The following DYSF variants were observed in gnomAD, a reference collection of about 807,000 sequenced individuals.
DYSF encodes the protein dysferlin, also known as dystrophy-associated fer-1-like 1.
In DYSF, 212 loss-of-function variants were observed where a neutral mutation model predicts 274.9. The observed-to-expected ratio is 0.77, with a 90% CI of 0.69 to 0.86. DYSF has a LOEUF of 0.86. DYSF is among the 40% of genes least tolerant of loss of function. The probability of loss-of-function intolerance (pLI) is 0.00; values close to 1 mark genes in which losing one functional copy is unlikely to be tolerated. For missense variants in DYSF, 2,666 were observed against 2,783.2 expected (o/e 0.96, Z 0.95); for synonymous variants, 1,091 against 1,078.7 (o/e 1.01, Z -0.22).
chr2:71,631,055 G>C (rs191848726), intron 41 of DYSF, among the ~76,000 whole-genome samples: 1 of 152,142 alleles, frequency 6.6e-6, no homozygotes, highest in East Asian at 1.9e-4. Context: ...TTCCAGGTTG[G>C]GGGGATGTGG....
At chr2:71,568,628 G>A (rs142633589) in intron 26 of DYSF, among the ~76,000 whole-genome samples, 76 of 150,848 alleles carry the variant, frequency 5.0e-4, no homozygotes, top group African/African-American at 1.6e-3. Flanking sequence ...TAGCATGATC[G>A]CAGCTCATTG....
intron 32 of DYSF, 109 bp downstream of exon 32, chr2:71,590,397 G>T: frequency 8.3e-7 from 1 of 1,198,502 alleles, no homozygotes. Flanking sequence ...GCATGGAGAT[G>T]GGTGCTGTCA....
At chr2:71,603,900 G>A (rs1252936462) in intron 36 of DYSF, among the ~76,000 whole-genome samples, 1 of 152,222 alleles carries the variant, frequency 6.6e-6, no homozygotes, top group Non-Finnish European at 1.5e-5. Flanking sequence ...ATATGTAACA[G>A]TGAAGGCTCA....
At chr2:71,670,429 G>A (rs192703222) in intron 51 of DYSF, among the ~76,000 whole-genome samples, 196 of 152,342 alleles carry the variant, frequency 1.3e-3, no homozygotes, top group Non-Finnish European at 2.0e-3. Flanking sequence ...ACAGGATTGG[G>A]AGTTGCTTGG....
At chr2:71,509,101 C>T (rs1292959242) in intron 4 of DYSF, among the ~76,000 whole-genome samples, 1 of 152,066 alleles carries the variant, frequency 6.6e-6, no homozygotes, top group African/African-American at 2.4e-5. Flanking sequence ...GGTGATTCAC[C>T]CACCTCGGCC....
At position 71,658,790 on chromosome 2, in the gene DYSF, C is replaced by A; in HGVS notation, c.4756-88C>A. 5 of 1,532,920 alleles carry A rather than the reference C, an allele frequency of 3.3e-6. No homozygotes were observed. The South Asian group carries it at 5.7e-5, about 17-fold the overall frequency. The allele number at this position is 1,532,920 out of a possible 1,614,324, so 95.0% of individuals were successfully genotyped here. A position where few individuals can be genotyped will look rare whatever the true frequency, so the allele number is the denominator to read the frequency against. ...CAACATGTGGGAATTCTGGGAGATA[C>A]AATTCAAGTTGAGATTTGGGTGGGG... On this transcript the variant is annotated intron_variant, in intron 43 of 55. Transcript: ENST00000410020.
At chr2:71,552,955 C>T (rs1339871754) in intron 19 of DYSF, 56 bp from the exon 20 acceptor site, 1 of 1,595,100 alleles carries the variant, frequency 6.3e-7, no homozygotes, top group Non-Finnish European at 8.6e-7. Flanking sequence ...CCCTCCCCAG[C>T]CTGGGTGCCT....
chr2:71,607,555 G>A (rs1410135009), intron 36 of DYSF, among the ~76,000 whole-genome samples: 1 of 152,216 alleles, frequency 6.6e-6, no homozygotes, highest in African/African-American at 2.4e-5. Context: ...GAACGCGTGG[G>A]CTGTTGGGAG....
chr2:71,516,347 T>TGTGAATGC (rs1390575802), intron 9 of DYSF, 105 bp downstream of exon 9: 2 of 1,116,754 alleles, frequency 1.8e-6, no homozygotes, highest in Non-Finnish European at 2.7e-6. Flanking sequence ...TGCACGTCAG[T>TGTGAATGC]GTGAATGCGT....
intron 3 of DYSF, among the ~76,000 whole-genome samples, chr2:71,482,496 T>C (rs2083001709): frequency 6.6e-6 from 1 of 152,022 alleles, no homozygotes; most frequent in Non-Finnish European, 1.5e-5. Context: ...CGCTTCCCTG[T>C]GTTGGGGTTT....
intron 1 of DYSF, among the ~76,000 whole-genome samples, chr2:71,474,591 C>T (rs752887014): frequency 2.6e-5 from 4 of 152,156 alleles, no homozygotes; most frequent in Non-Finnish European, 4.4e-5. Context: ...CTGTAAATCA[C>T]GTGATTGTGC....
chr2:71,624,855 A>G lies in DYSF; in HGVS notation c.4527+4246A>G, dbSNP rs1280012422. ...GTATGCATTCGTAAAACTGGGCTCA[A>G]CACATTTTCTGGAGGGGATTCTTTG... On this transcript the variant is annotated intron_variant, in intron 41 of 55. Transcript: ENST00000410020. 3.3e-5 allele frequency among the ~76,000 whole-genome samples: 5 copies of G among 151,912 alleles called. No individual in the cohort carries two copies. The South Asian group carries it at 8.3e-4, about 25-fold the overall frequency.
chr2:71,582,088 CAGA>C (rs1410515708), intron 30 of DYSF, among the ~76,000 whole-genome samples: 1 of 110,588 alleles, frequency 9.0e-6, no homozygotes, highest in Non-Finnish European at 1.6e-5. Flanking sequence ...GCTTGGGAGA[CAGA>C]AGGAGACTCC....
intron 46 of DYSF, among the ~76,000 whole-genome samples, chr2:71,664,785 C>T (rs1422042741): frequency 6.6e-6 from 1 of 152,202 alleles, no homozygotes; most frequent in Non-Finnish European, 1.5e-5. Flanking sequence ...GCAGGGGAAA[C>T]AGATGAGAGG....
intron 18 of DYSF, 78 bp from the exon 19 acceptor site, chr2:71,551,529 C>A: frequency 7.8e-7 from 1 of 1,281,116 alleles, no homozygotes; most frequent in Non-Finnish European, 1.1e-6. Flanking sequence ...TGAGCTACCT[C>A]AGGGCCAGAG....
At chr2:71,675,000 T>C (rs1239249393) in intron 52 of DYSF, among the ~76,000 whole-genome samples, 1 of 152,180 alleles carries the variant, frequency 6.6e-6, no homozygotes, top group Non-Finnish European at 1.5e-5. Context: ...TACTGATACA[T>C]ACTACACTGT....
intron 32 of DYSF, among the ~76,000 whole-genome samples, chr2:71,593,390 C>T (rs777360992): frequency 3.9e-5 from 6 of 152,158 alleles, no homozygotes; most frequent in Admixed American, 1.3e-4. Flanking sequence ...CTTGGCCTCC[C>T]GGAGTGCTGG....
At position 71,656,287 on chromosome 2, in the gene DYSF, T is replaced by G. The variant is rs1204004357; in HGVS notation, c.4752T>G (p.Phe1584Leu). The G allele has an allele frequency of 1.2e-6, 2 of 1,614,108 alleles. No homozygotes were observed. The highest frequency in any genetic ancestry group is 1.7e-6 in the Non-Finnish European group (2 of 1,180,008). The change falls in exon 43 of 56, where the codon TTT becomes TTG. Residue 1584 changes from phenylalanine to leucine, a missense_variant. Transcript: ENST00000410020. ...ETEDPSVIGEFKGLFKIYPLP... is the reference protein window; with the variant it reads ...ETEDPSVIGELKGLFKIYPLP... The stretch of plus-strand genomic sequence containing the variant: ...AAGATCCATCTGTGATTGGTGAATT[T>G]AAGGTAAATCCTCGAAGACGTCCCT...
intron 29 of DYSF, chr2:71,571,035 G>T: frequency 2.4e-6 from 1 of 416,870 alleles, no homozygotes; most frequent in South Asian, 2.5e-5. Context: ...CACACACACA[G>T]ATTACACCCA....
Sources: gnomAD v4.1 joint callset for allele counts (sites outside exome capture counted in the v4.1 genomes callset) on GRCh38, gnomAD v4.1.1 for gene constraint, MANE v1.5 for transcripts, NCBI Gene and HGNC (gene_info 2026-07-23, HGNC 2026-07-21) for gene names.